The following LPIN1 variants were observed in gnomAD, a reference collection of about 807,000 sequenced individuals.
The protein encoded by LPIN1 is lipin 1.
Under a neutral mutation model 107.5 loss-of-function variants are expected in LPIN1, and 71 were observed. That is an observed-to-expected ratio of 0.66 (90% confidence interval 0.55 to 0.80). The LOEUF is 0.80. Among genes scored for constraint, LPIN1 ranks in the 30% least tolerant of loss-of-function variants. The pLI is 0.00. For missense variants in LPIN1, 1,043 were observed against 1,160.6 expected (o/e 0.90, Z 1.47); for synonymous variants, 445 against 452.6 (o/e 0.98, Z 0.21).
chr2:11,717,137 C>T (rs932274283), intron 2 of LPIN1, among the ~76,000 whole-genome samples: 4 of 152,168 alleles, frequency 2.6e-5, no homozygotes, highest in African/African-American at 7.2e-5. Context: ...GTGATCAAAG[C>T]GATTTATGTG....
rs1215023664 is a variant in LPIN1, at chr2:11,819,466, T to C, written c.2403-18T>C. On this transcript the variant is annotated intron_variant, in intron 18 of 20. Transcript: ENST00000674199. ...AGCTTAGCCTCTCATGTTAATCTGT[T>C]ATTTATTTGTTTAACAGAGAAGTGA... 2 of 1,462,868 alleles carry C rather than the reference T, an allele frequency of 1.4e-6. No homozygotes were observed. Among genetic ancestry groups the C allele is most frequent in the Non-Finnish European group, 1.9e-6 (2 of 1,041,874 alleles). The allele number at this position is 1,462,868 out of a possible 1,614,324, so 90.6% of individuals were successfully genotyped here. A position where few individuals can be genotyped will look rare whatever the true frequency, so the allele number is the denominator to read the frequency against.
chr2:11,769,437 C>A (rs987994629), intron 3 of LPIN1, among the ~76,000 whole-genome samples: 3 of 151,968 alleles, frequency 2.0e-5, no homozygotes, highest in African/African-American at 7.2e-5. Flanking sequence ...TTCTTTTTTA[C>A]TGCTGCCTTG....
rs536675474 is a variant in LPIN1, at chr2:11,677,797, C to G, written c.81+69C>G. ...CTTCCTCCTTCCATCCCCAGGTGCCCGCGTACTGATGGGACCCGGGGAACA... is the reference window on the plus strand; with the variant it reads ...CTTCCTCCTTCCATCCCCAGGTGCCGGCGTACTGATGGGACCCGGGGAACA... On this transcript the variant is annotated intron_variant, in intron 1 of 21. Coordinates refer to the LPIN1 transcript ENST00000449576. 7.5e-6 allele frequency: 10 copies of G among 1,334,164 alleles called. No homozygotes were observed. In the South Asian group the frequency reaches 8.8e-5, roughly 12 times the overall value. 82.6% of individuals were successfully genotyped at this position (1,334,164 alleles called of 1,614,324 possible).
intron 18 of LPIN1, among the ~76,000 whole-genome samples, chr2:11,815,441 T>G (rs1680406311): frequency 6.6e-6 from 1 of 152,156 alleles, no homozygotes; most frequent in Non-Finnish European, 1.5e-5. Context: ...GAGTCCAGAC[T>G]CAGGAGCTTG....
chr2:11,784,133 C>T (rs1006241579), intron 9 of LPIN1: 43 of 836,056 alleles, frequency 5.1e-5, no homozygotes, highest in Middle Eastern at 4.1e-4. Context: ...GGTGAATCCT[C>T]GTTCTACTGA....
chr2:11,684,524 G>C (rs1187721838), intron 1 of LPIN1, among the ~76,000 whole-genome samples: 1 of 152,204 alleles, frequency 6.6e-6, no homozygotes, highest in Admixed American at 6.5e-5. Flanking sequence ...GCTGGAGGGT[G>C]GTTGGCATGG....
At chr2:11,772,209 A>G (rs1671965542) in intron 4 of LPIN1, among the ~76,000 whole-genome samples, 1 of 152,184 alleles carries the variant, frequency 6.6e-6, no homozygotes. Context: ...ACACAGATGA[A>G]GCTTTGCCAG....
intron 14 of LPIN1, among the ~76,000 whole-genome samples, chr2:11,801,196 A>T (rs1006181814): frequency 6.6e-6 from 1 of 152,248 alleles, no homozygotes; most frequent in Non-Finnish European, 1.5e-5. Flanking sequence ...AACAGTATGG[A>T]GATTTCTTAG....
chr2:11,718,178 A>C (rs1663878066), intron 2 of LPIN1, among the ~76,000 whole-genome samples: 1 of 152,154 alleles, frequency 6.6e-6, no homozygotes, highest in Non-Finnish European at 1.5e-5. Flanking sequence ...TTTTACAATA[A>C]GCAAAAGCTG....
chr2:11,786,399 G>C lies in LPIN1; in HGVS notation c.1550-675G>C, dbSNP rs1424046405. Among the ~76,000 whole-genome samples the C allele has an allele frequency of 6.6e-6, 1 of 152,142 alleles. No individual in the cohort carries two copies. The highest frequency in any genetic ancestry group is 2.4e-5 in the African/African-American group (1 of 41,426). On this transcript the variant is annotated intron_variant, in intron 10 of 20. Transcript: ENST00000674199. The surrounding 1 kb of genome is among the most constrained non-coding windows in gnomAD (Gnocchi z 4.1). ...GGAGATGGTCAGAACCGCGGTCAAGGCTTAAGGTACAGCCCAGCTGCCAGA... is the reference window on the plus strand; with the variant it reads ...GGAGATGGTCAGAACCGCGGTCAAGCCTTAAGGTACAGCCCAGCTGCCAGA...
chr2:11,698,070 G>T (rs1201075861), intron 1 of LPIN1, among the ~76,000 whole-genome samples: 3 of 152,156 alleles, frequency 2.0e-5, no homozygotes, highest in Non-Finnish European at 2.9e-5. Context: ...TCTGTCTAGA[G>T]CCCCTCTCTC....
In LPIN1 at chr2:11,826,613, G is replaced by T. The variant is rs1682410783; in HGVS notation, c.*1822G>T. 3.3e-5 allele frequency: 5 copies of T among 152,086 alleles called. No individual in the cohort carries two copies. The South Asian group carries it at 1.0e-3, about 32-fold the overall frequency. The allele number at this position is 152,086 out of a possible 1,614,324, so 9.4% of individuals were successfully genotyped here. A position where few individuals can be genotyped will look rare whatever the true frequency, so the allele number is the denominator to read the frequency against. ...GCTATATTCATTCTTTATGCAATGA[G>T]GGTATTTTTGAGTGAATTTTAACTG... is the stretch of plus-strand genomic sequence containing the variant. On this transcript the variant is annotated 3_prime_UTR_variant, in exon 21 of 21. Transcript: ENST00000674199.
intron 1 of LPIN1, among the ~76,000 whole-genome samples, chr2:11,700,150 C>T (rs1364371853): frequency 3.3e-5 from 5 of 152,288 alleles, no homozygotes; most frequent in South Asian, 2.1e-4. Context: ...TAGCCATCCA[C>T]GTGTCAGGTG....
intron 1 of LPIN1, among the ~76,000 whole-genome samples, chr2:11,748,340 G>C (rs141750409): frequency 1.3e-5 from 2 of 152,212 alleles, no homozygotes; most frequent in Non-Finnish European, 2.9e-5. Context: ...TCTGAGATGC[G>C]CCGAGGCCGG....
At chr2:11,706,495 C>T (rs1448147142) in intron 1 of LPIN1, among the ~76,000 whole-genome samples, 6 of 152,228 alleles carry the variant, frequency 3.9e-5, no homozygotes, top group African/African-American at 7.2e-5. Flanking sequence ...ATTAGATGAA[C>T]TTAGAGAGTG....
chr2:11,703,297 G>T (rs774904245), intron 1 of LPIN1, among the ~76,000 whole-genome samples: 4 of 152,084 alleles, frequency 2.6e-5, no homozygotes, highest in Non-Finnish European at 5.9e-5. Flanking sequence ...ATTGGAGTAG[G>T]GATAGCGTGG....
At chr2:11,792,289 A>T (rs1675898558) in intron 13 of LPIN1, 1 of 330,822 alleles carries the variant, frequency 3.0e-6, no homozygotes, top group Admixed American at 4.2e-5. Flanking sequence ...TCTATAAAAG[A>T]AGGGATTCAG....
intron 1 of LPIN1, among the ~76,000 whole-genome samples, chr2:11,678,421 T>C (rs1232082283): frequency 6.6e-6 from 1 of 152,132 alleles, no homozygotes; most frequent in African/African-American, 2.4e-5. Flanking sequence ...GCCAGGGGGT[T>C]GGGCTGCAGT....
intron 14 of LPIN1, among the ~76,000 whole-genome samples, chr2:11,796,231 T>A (rs1324592715): frequency 6.6e-6 from 1 of 152,366 alleles, no homozygotes; most frequent in African/African-American, 2.4e-5. Context: ...ATCCACATCT[T>A]ACTCATTTTT....
Sources: allele counts gnomAD v4.1 joint callset (sites outside exome capture counted in the v4.1 genomes callset), GRCh38; gene constraint gnomAD v4.1.1; non-coding constraint Gnocchi (gnomAD v3.1); transcripts MANE v1.5; gene names NCBI Gene and HGNC (gene_info 2026-07-23, HGNC 2026-07-21).